Variants in ZEB1 observed in about 807,000 individuals in gnomAD.
ZEB1 encodes zinc finger E-box-binding homeobox 1.
A neutral mutation model predicts 84.9 loss-of-function variants in ZEB1; 21 were observed. The observed-to-expected ratio is 0.25, with a 90% CI of 0.18 to 0.36. ZEB1 has a LOEUF of 0.36. Ranked by LOEUF, ZEB1 falls within the 10% of genes least tolerant of loss-of-function variation. The pLI is 1.00. For synonymous variants in ZEB1, 420 were observed against 471.1 expected, an observed-to-expected ratio of 0.89 and a Z score of 1.41; for missense variants, 1,104 against 1,330.2, an observed-to-expected ratio of 0.83 and a Z score of 2.65.
chr10:31,448,975 A>G (rs2060171353), intron 1 of ZEB1, among the ~76,000 whole-genome samples: 1 of 152,142 alleles, frequency 6.6e-6, no homozygotes, highest in Admixed American at 6.5e-5. Context: ...TGTTTACCTA[A>G]TCAAGCCTGG....
chr10:31,362,612 C>T (rs1396506772), intron 1 of ZEB1, among the ~76,000 whole-genome samples: 8 of 145,978 alleles, frequency 5.5e-5, no homozygotes, highest in East Asian at 2.1e-4. Flanking sequence ...GGGCGGGGGC[C>T]GGGCAGAGGC....
Position 31,383,955 on chromosome 10 carries a change from T to G in ZEB1, c.58+64663T>G, listed in dbSNP as rs1473766915. 3.3e-5 allele frequency among the ~76,000 whole-genome samples: 5 copies of G among 149,428 alleles called. No individual in the cohort carries two copies. The East Asian group carries it at 7.9e-4, about 24-fold the overall frequency. On this transcript the variant is annotated intron_variant, in intron 1 of 8. Coordinates refer to ENST00000424869, the MANE Select transcript of ZEB1 (RefSeq NM_001174096.2). Reference sequence around the variant, plus strand: ...AACATAAGATCCTACTCCTGTAACTTAGATTAGTGCTTTTTTTTTTTTTTT... The same window carrying G: ...AACATAAGATCCTACTCCTGTAACTGAGATTAGTGCTTTTTTTTTTTTTTT...
chr10:31,489,298 G>A (rs1267424254), intron 2 of ZEB1, among the ~76,000 whole-genome samples: 1 of 151,102 alleles, frequency 6.6e-6, no homozygotes, highest in Admixed American at 6.6e-5. Flanking sequence ...CTTTCTTCTG[G>A]TTAATGATAT....
Position 31,470,422 on chromosome 10 carries a change from G to A in ZEB1, c.259+9185G>A, listed in dbSNP as rs1437373878. Among the ~76,000 whole-genome samples, 11 of 150,680 alleles carry A rather than the reference G, an allele frequency of 7.3e-5. No individual in the cohort carries two copies. In the South Asian group the frequency reaches 1.9e-3, roughly 26 times the overall value. The stretch of plus-strand genomic sequence containing the variant: ...CGAGAACTACGTGAAGAATGCAGAA[G>A]CCTCAGGAGCCAATGCGATCAACTG... On this transcript the variant is annotated intron_variant, in intron 2 of 8. Transcript: ENST00000424869.
At chr10:31,496,749 GT>G (rs1300497300) in intron 3 of ZEB1, among the ~76,000 whole-genome samples, 1 of 151,594 alleles carries the variant, frequency 6.6e-6, no homozygotes, top group Admixed American at 6.6e-5. Context: ...TTATAGATTT[GT>G]TTTTTTACTT....
intron 1 of ZEB1, among the ~76,000 whole-genome samples, chr10:31,442,963 G>A (rs1031896927): frequency 6.6e-6 from 1 of 152,158 alleles, no homozygotes; most frequent in Non-Finnish European, 1.5e-5. Context: ...TTTCCAAAAA[G>A]CTTTGAAGTA....
At chr10:31,508,239 G>A (rs541573431) in intron 4 of ZEB1, among the ~76,000 whole-genome samples, 83 of 152,256 alleles carry the variant, frequency 5.5e-4, no homozygotes, top group African/African-American at 1.9e-3. Flanking sequence ...CCTTGTGTTA[G>A]CAGGTCCAGT....
chr10:31,438,441 T>C (rs1027291431), intron 1 of ZEB1, among the ~76,000 whole-genome samples: 1 of 152,228 alleles, frequency 6.6e-6, no homozygotes, highest in Non-Finnish European at 1.5e-5. Context: ...AAATGTCCTT[T>C]TTACCTTTCA....
intron 1 of ZEB1, among the ~76,000 whole-genome samples, chr10:31,324,304 T>G (rs892999042): frequency 6.6e-6 from 1 of 152,062 alleles, no homozygotes; most frequent in African/African-American, 2.4e-5. Context: ...TTTTGAAGCA[T>G]GTGCTGAGAA....
At chr10:31,462,442 G>A (rs1267968986) in intron 2 of ZEB1, among the ~76,000 whole-genome samples, 1 of 152,120 alleles carries the variant, frequency 6.6e-6, no homozygotes, top group East Asian at 1.9e-4. Flanking sequence ...TTTTATTTAG[G>A]TATACATTAT....
At chr10:31,440,633 G>T (rs2058822905) in intron 1 of ZEB1, among the ~76,000 whole-genome samples, 1 of 152,090 alleles carries the variant, frequency 6.6e-6, no homozygotes, top group African/African-American at 2.4e-5. Flanking sequence ...GTTTGCAGAT[G>T]ACATGATTGT....
intron 1 of ZEB1, among the ~76,000 whole-genome samples, chr10:31,328,559 T>G (rs1466597491): frequency 6.6e-6 from 1 of 152,126 alleles, no homozygotes; most frequent in Non-Finnish European, 1.5e-5. Flanking sequence ...TGCTGTAAAA[T>G]TTGTACATTG....
intron 2 of ZEB1, among the ~76,000 whole-genome samples, chr10:31,465,861 C>T (rs1014030333): frequency 4.0e-5 from 6 of 151,518 alleles, no homozygotes; most frequent in African/African-American, 1.5e-4. Flanking sequence ...TTAAAACTGA[C>T]CCAACTACAA....
intron 1 of ZEB1, among the ~76,000 whole-genome samples, chr10:31,356,398 A>C (rs1374027402): frequency 6.6e-6 from 1 of 152,022 alleles, no homozygotes; most frequent in Non-Finnish European, 1.5e-5. Context: ...TACACCACTT[A>C]TTAATGAATA....
chr10:31,443,951 T>C (rs1465375576), intron 1 of ZEB1, among the ~76,000 whole-genome samples: 1 of 149,882 alleles, frequency 6.7e-6, no homozygotes. Flanking sequence ...CTGGGTCAAA[T>C]GGTATTTCTA....
rs776114008 is a variant in ZEB1 at position 31,521,382 on chromosome 10, A to T, written c.2050A>T (p.Met684Leu). The change falls in exon 7 of 9, where the codon ATG (methionine) becomes TTG (leucine). Residue 684 changes from methionine to leucine, a missense_variant. Around this residue, in one of 7 missense-constraint regions of ZEB1, gnomAD observed 531 missense variants for 575.2 expected, o/e 0.92. Coordinates refer to ENST00000424869, the MANE Select transcript of ZEB1 (RefSeq NM_001174096.2). ...STVNLQSPLK[M>L]TNSPVLPVGS... ...AGTAAATCTACAAAGTCCTTTGAAGATGACTAACTCCCCAGTTTTACCAGT... is the reference window on the plus strand; with the variant it reads ...AGTAAATCTACAAAGTCCTTTGAAGTTGACTAACTCCCCAGTTTTACCAGT... 151 of 1,613,976 alleles carry T rather than the reference A, an allele frequency of 9.4e-5. No homozygotes were observed. Among genetic ancestry groups the T allele is most frequent in the Non-Finnish European group, 1.2e-4 (146 of 1,180,014 alleles).
intron 1 of ZEB1, among the ~76,000 whole-genome samples, chr10:31,402,825 CT>C (rs745986593): frequency 1.3e-5 from 2 of 152,178 alleles, no homozygotes; most frequent in South Asian, 2.1e-4. Context: ...TGCCATCTCA[CT>C]TTATCTTTTT....
chr10:31,444,080 T>C (rs1449731436), intron 1 of ZEB1, among the ~76,000 whole-genome samples: 2 of 151,226 alleles, frequency 1.3e-5, no homozygotes, highest in Non-Finnish European at 2.9e-5. Flanking sequence ...ACCTGTTGTT[T>C]CCTGACTTTT....
intron 1 of ZEB1, among the ~76,000 whole-genome samples, chr10:31,394,743 C>T (rs1042849643): frequency 6.6e-6 from 1 of 152,200 alleles, no homozygotes; most frequent in African/African-American, 2.4e-5. Context: ...CCGTCATATG[C>T]ATGTACTACA....
Sources: allele counts gnomAD v4.1 joint callset (sites outside exome capture counted in the v4.1 genomes callset), GRCh38; gene constraint gnomAD v4.1.1; regional missense constraint gnomAD v4.1.1; transcripts MANE v1.5; gene names NCBI Gene and HGNC (gene_info 2026-07-23, HGNC 2026-07-21).